Variants in TEX10 observed in about 807,000 individuals in gnomAD.
TEX10 encodes testis expressed 10, also known as testis-expressed protein 10.
In TEX10, 24 loss-of-function variants were observed where a neutral mutation model predicts 104.4. That is an observed-to-expected ratio of 0.23 (90% CI 0.17 to 0.32). The LOEUF is 0.32. TEX10 is among the 10% of genes least tolerant of loss of function. The pLI is 1.00. For synonymous variants in TEX10, 396 were observed against 393.4 expected, an observed-to-expected ratio of 1.01 and a Z score of -0.08; for missense variants, 921 against 1,083.9, an observed-to-expected ratio of 0.85 and a Z score of 2.11.
At chr9:100,328,481 AT>A (rs35901192) in intron 7 of TEX10, among the ~76,000 whole-genome samples, 1 of 152,184 alleles carries the variant, frequency 6.6e-6, no homozygotes, top group African/African-American at 2.4e-5. Context: ...ATACTCACCA[AT>A]TTATTTATTT....
In TEX10 at chr9:100,302,197, C is replaced by A; in HGVS notation, c.2784G>T (p.Val928=). The change falls in exon 15 of 15, where the codon GTG becomes GTT. Residue 928 remains valine (V), a synonymous_variant. Transcript: ENST00000374902. ...HPQGPSALAT[V]Y Reference sequence around the variant, plus strand: ...AGGAGGTACTATGGCCTCTTCAATACACTGTAGCCAGTGCACTGGGCCCTT... The same window carrying A: ...AGGAGGTACTATGGCCTCTTCAATAAACTGTAGCCAGTGCACTGGGCCCTT... 1 of 1,598,160 alleles carries A rather than the reference C, an allele frequency of 6.3e-7. No individual in the cohort carries two copies. Among genetic ancestry groups the A allele is most frequent in the Non-Finnish European group, 8.5e-7 (1 of 1,170,370 alleles).
chr9:100,310,230 G>A, intron 12 of TEX10, 69 bp downstream of exon 12: 2 of 1,283,358 alleles, frequency 1.6e-6, no homozygotes, highest in Non-Finnish European at 2.2e-6. Context: ...TTCTGGGGCT[G>A]TGGAAAACTC....
intron 11 of TEX10, 142 bp from the exon 12 acceptor site, chr9:100,310,521 C>T: frequency 2.8e-6 from 2 of 708,722 alleles, no homozygotes; most frequent in Non-Finnish European, 4.6e-6. Flanking sequence ...TCACCGCAAC[C>T]CCCGTGACCT....
At chr9:100,315,623 G>A (rs1186644342) in intron 11 of TEX10, among the ~76,000 whole-genome samples, 2 of 152,118 alleles carry the variant, frequency 1.3e-5, no homozygotes, top group East Asian at 1.9e-4. Flanking sequence ...GTTTGTATGA[G>A]TATCTTTTAC....
chr9:100,318,053 T>A (rs767938426), intron 11 of TEX10, among the ~76,000 whole-genome samples: 2 of 152,152 alleles, frequency 1.3e-5, no homozygotes, highest in Non-Finnish European at 2.9e-5. Flanking sequence ...GAAATCAGTA[T>A]AAAGATTTCT....
chr9:100,329,206 C>T lies in TEX10; in HGVS notation c.1559G>A (p.Arg520Gln), dbSNP rs781531256. Reference sequence around the variant, plus strand: ...ACTGAAAAACTTCAATAACAAAGTCCGAACTGGAAGGATAAGGCCCCTCTG... The same window carrying T: ...ACTGAAAAACTTCAATAACAAAGTCTGAACTGGAAGGATAAGGCCCCTCTG... Reference protein sequence around the residue: ...YQQRGLILPVRTLLLKFFSKI... With the variant: ...YQQRGLILPVQTLLLKFFSKI... Residue 520 changes from arginine (R) to glutamine (Q), a missense_variant, in exon 7 of 15, where the codon CGG becomes CAG. Physicochemically the swap from Arg to Gln is conservative, Grantham distance 43. Transcript: ENST00000374902. 5 of 1,612,568 alleles carry T rather than the reference C, an allele frequency of 3.1e-6. No homozygotes were observed. The highest frequency in any genetic ancestry group is 1.3e-5 in the African/African-American group (1 of 74,832).
Position 100,349,390 on chromosome 9 carries a change from A to C in TEX10, c.-9-18T>G. 1 of 1,484,532 alleles carries C rather than the reference A, an allele frequency of 6.7e-7. No homozygotes were observed. Among genetic ancestry groups the C allele is most frequent in the Non-Finnish European group, 9.0e-7 (1 of 1,110,134 alleles). 92.0% of individuals were successfully genotyped at this position (1,484,532 alleles called of 1,614,324 possible). On this transcript the variant is annotated intron_variant, in intron 1 of 14. Coordinates refer to ENST00000374902, the MANE Select transcript of TEX10 (RefSeq NM_017746.4). ...CTCGACTACTATAATGAAAAGAATT[A>C]ATTAAAAGCAATGGATAGAGACAAG...
At chr9:100,320,185 G>A in intron 11 of TEX10, 80 bp downstream of exon 11, 1 of 1,286,534 alleles carries the variant, frequency 7.8e-7, no homozygotes, top group Non-Finnish European at 1.0e-6. Context: ...CTCACACAAG[G>A]CAACTCATAT....
chr9:100,308,724 C>A, intron 12 of TEX10, 43 bp from the exon 13 acceptor site: 1 of 1,460,016 alleles, frequency 6.8e-7, no homozygotes. Flanking sequence ...TCATAACAGA[C>A]CCGCTCCTCC....
intron 2 of TEX10, among the ~76,000 whole-genome samples, chr9:100,347,780 T>G (rs1353598801): frequency 1.3e-5 from 2 of 152,208 alleles, no homozygotes; most frequent in Non-Finnish European, 2.9e-5. Context: ...CAAATGGGCT[T>G]TCACAGGGTG....
At chr9:100,319,351 A>C (rs1316104581) in intron 11 of TEX10, among the ~76,000 whole-genome samples, 1 of 152,224 alleles carries the variant, frequency 6.6e-6, no homozygotes, top group Non-Finnish European at 1.5e-5. Context: ...TTTATTAAAT[A>C]TCTCTAAGAT....
intron 4 of TEX10, among the ~76,000 whole-genome samples, chr9:100,342,125 T>C (rs1835189000): frequency 6.6e-6 from 1 of 152,202 alleles, no homozygotes; most frequent in Admixed American, 6.5e-5. Context: ...CTCAAAGCCA[T>C]TGTACTTGCT....
chr9:100,328,908 G>A lies in TEX10; in HGVS notation c.1625+232C>T, dbSNP rs1834777588. Among the ~76,000 whole-genome samples, 3 of 152,198 alleles carry A rather than the reference G, an allele frequency of 2.0e-5. No individual in the cohort carries two copies. In the South Asian group the frequency reaches 6.2e-4, roughly 32 times the overall value. Reference sequence around the variant, plus strand: ...CTGTCCCTTAGCTATAAGTGGACAGGTAGAAATGCATGCCTAAGCAGTCTT... The same window carrying A: ...CTGTCCCTTAGCTATAAGTGGACAGATAGAAATGCATGCCTAAGCAGTCTT... On this transcript the variant is annotated intron_variant, in intron 7 of 14. Coordinates refer to ENST00000374902, the MANE Select transcript of TEX10 (RefSeq NM_017746.4).
At chr9:100,326,589 G>C in intron 8 of TEX10, 110 bp from the exon 9 acceptor site, 1 of 986,062 alleles carries the variant, frequency 1.0e-6, no homozygotes. Context: ...ATTTTATGCT[G>C]AATTTTATGA....
At chr9:100,315,547 A>G (rs1273137835) in intron 11 of TEX10, among the ~76,000 whole-genome samples, 1 of 151,860 alleles carries the variant, frequency 6.6e-6, no homozygotes, top group Non-Finnish European at 1.5e-5. Flanking sequence ...TATTTTTTAA[A>G]CCTGTTTTTG....
rs1402207934 is a variant in TEX10 at position 100,303,646 on chromosome 9, T to A, written c.2662A>T (p.Ile888Phe). 6.2e-7 allele frequency: 1 copy of A among 1,614,142 alleles called. No homozygotes were observed. The highest frequency in any genetic ancestry group is 1.3e-5 in the African/African-American group (1 of 75,028). Residue 888 changes from isoleucine (I) to phenylalanine (F), a missense_variant, in exon 14 of 15, where the codon ATC becomes TTC. Physicochemically the swap from Ile to Phe is conservative, Grantham distance 21 (BLOSUM62 0). This residue lies in a region of TEX10 where 753 missense variants were observed against 868.4 expected (regional missense o/e 0.87). Transcript: ENST00000374902. ...ATGCTTCTTACCGTGATATTCTTGA[T>A]GATCTGCTGCACCAAGATCGCATTG... ...LTNAILVQQI[I>F]KNITTLKSGS...
At chr9:100,320,451 A>C in intron 10 of TEX10, 53 bp from the exon 11 acceptor site, 1 of 1,526,486 alleles carries the variant, frequency 6.6e-7, no homozygotes, top group Non-Finnish European at 8.8e-7. Flanking sequence ...ACAAAAAACA[A>C]TGACTTTCTT....
chr9:100,317,454 A>C (rs1834448999), intron 11 of TEX10, among the ~76,000 whole-genome samples: 1 of 152,164 alleles, frequency 6.6e-6, no homozygotes, highest in Non-Finnish European at 1.5e-5. Flanking sequence ...AGAAAAATGA[A>C]ACTGAATCTC....
At chr9:100,313,879 A>T (rs4446782) in intron 11 of TEX10, among the ~76,000 whole-genome samples, 89,931 of 151,042 alleles carry the variant, frequency 0.6, 28,036 homozygotes, top group East Asian at 0.89. Context: ...CACACATAGG[A>T]ACGTAGCCTT....
Sources: allele counts gnomAD v4.1 joint callset (sites outside exome capture counted in the v4.1 genomes callset), GRCh38; gene constraint gnomAD v4.1.1; regional missense constraint gnomAD v4.1.1; transcripts MANE v1.5; gene names NCBI Gene and HGNC (gene_info 2026-07-23, HGNC 2026-07-21).